SOX9: variants seen among roughly 807,000 people sequenced by gnomAD.
SOX9 encodes SRY-box transcription factor 9.
A neutral mutation model predicts 44.8 loss-of-function variants in SOX9; 2 were observed. The ratio of observed to expected loss-of-function variants is 0.04; its 90% CI spans 0.02 to 0.14. The LOEUF (loss-of-function observed/expected upper bound fraction) is 0.14. SOX9 is among the 10% of genes least tolerant of loss of function. SOX9 has a pLI of 1.00. For synonymous variants in SOX9, 381 were observed against 331.8 expected, an observed-to-expected ratio of 1.15 and a Z score of -1.61; for missense variants, 583 against 728.6, an observed-to-expected ratio of 0.80 and a Z score of 2.30.
rs2143246456 is a variant in SOX9, at chr17:72,122,862, C to T, written c.575C>T (p.Ala192Val). 1 of 1,614,150 alleles carries T rather than the reference C, an allele frequency of 6.2e-7. No homozygotes were observed. Among genetic ancestry groups the T allele is most frequent in the Non-Finnish European group, 8.5e-7 (1 of 1,180,020 alleles). The part of the protein sequence containing the change: ...VKNGQAEAEE[A>V]TEQTHISPNA... ...AACGGGCAGGCGGAGGCAGAGGAGG[C>T]CACGGAGCAGACGCACATCTCCCCC... The change falls in exon 2 of 3, where the codon GCC (alanine) becomes GTC (valine). Residue 192 changes from alanine to valine, a missense_variant. Ala to Val is a moderately conservative substitution (Grantham distance 64). Coordinates refer to ENST00000245479, the MANE Select transcript of SOX9 (RefSeq NM_000346.4).
In SOX9 at chr17:72,121,430, G is replaced by T. The variant is rs1172992469; in HGVS notation, c.39G>T (p.Glu13Asp). ...LLDPFMKMTD[E>D]QEKGLSGAPS... is the part of the protein sequence containing the mutation. ...ACCCCTTCATGAAGATGACCGACGA[G>T]CAGGAGAAGGGCCTGTCCGGCGCCC... The change falls in exon 1 of 3, where the codon GAG becomes GAT. Residue 13 changes from glutamate (E) to aspartate (D), a missense_variant. Coordinates refer to ENST00000245479, the MANE Select transcript of SOX9 (RefSeq NM_000346.4). This position sits in a 1 kb window ranked among gnomAD's most constrained non-coding sequence, Gnocchi z 8.3. 1 of 1,612,792 alleles carries T rather than the reference G, an allele frequency of 6.2e-7. No individual in the cohort carries two copies. The highest frequency in any genetic ancestry group is 1.7e-5 in the Admixed American group (1 of 59,994).
At position 72,124,988 on chromosome 17, in the gene SOX9, T is replaced by C. The variant is rs537973672; in HGVS notation, c.*601T>C. The C allele has an allele frequency of 8.8e-6, 2 of 226,104 alleles. No individual in the cohort carries two copies. Among genetic ancestry groups the C allele is most frequent in the South Asian group, 3.5e-4 (2 of 5,774 alleles). The allele number at this position is 226,104 out of a possible 1,614,324, so 14.0% of individuals were successfully genotyped here. A position where few individuals can be genotyped will look rare whatever the true frequency, so the allele number is the denominator to read the frequency against. Reference sequence around the variant, plus strand: ...GCAACCAGAGTATTTTTGTACAGATTTGCTTTCTCTTACAAAAAGAAAAAA... The same window carrying C: ...GCAACCAGAGTATTTTTGTACAGATCTGCTTTCTCTTACAAAAAGAAAAAA... On this transcript the variant is annotated 3_prime_UTR_variant, in exon 3 of 3. Transcript: ENST00000245479. This position sits in a 1 kb window ranked among gnomAD's most constrained non-coding sequence, Gnocchi z 4.6.
rs1414494350 is a variant in SOX9 at position 72,121,859 on chromosome 17, T to G, written c.431+37T>G. On this transcript the variant is annotated intron_variant, in intron 1 of 2. Coordinates refer to ENST00000245479, the MANE Select transcript of SOX9 (RefSeq NM_000346.4). This position sits in a 1 kb window ranked among gnomAD's most constrained non-coding sequence, Gnocchi z 8.3. ...CGGGGGCGGCGCGGCAGGGTGGGCA[T>G]CGCGGCGGCTGGGGGCGCTGGTCAG... is the stretch of plus-strand genomic sequence containing the variant. 6.6e-7 allele frequency: 1 copy of G among 1,510,826 alleles called. No individual in the cohort carries two copies. Among genetic ancestry groups the G allele is most frequent in the Non-Finnish European group, 8.9e-7 (1 of 1,129,696 alleles). 93.6% of individuals were successfully genotyped at this position (1,510,826 alleles called of 1,614,324 possible).
In SOX9 at chr17:72,121,894, G is replaced by A. The variant is rs2143241959; in HGVS notation, c.431+72G>A. 2.8e-6 allele frequency: 4 copies of A among 1,445,544 alleles called. No individual in the cohort carries two copies. Among genetic ancestry groups the A allele is most frequent in the Non-Finnish European group, 3.6e-6 (4 of 1,097,392 alleles). 89.5% of individuals were successfully genotyped at this position (1,445,544 alleles called of 1,614,324 possible). A position where few individuals can be genotyped will look rare whatever the true frequency, so the allele number is the denominator to read the frequency against. On this transcript the variant is annotated intron_variant, in intron 1 of 2. Transcript: ENST00000245479. The surrounding 1 kb of genome is among the most constrained non-coding windows in gnomAD (Gnocchi z 8.3). The stretch of plus-strand genomic sequence containing the variant: ...TGGGGGCGCTGGTCAGGGCTGATTT[G>A]CCCCGCCCCGCCTCCCATCGCCCGG...
chr17:72,125,697 T>C lies in SOX9; in HGVS notation c.*1310T>C, dbSNP rs1908265168. On this transcript the variant is annotated 3_prime_UTR_variant, in exon 3 of 3. Transcript: ENST00000245479. ...TTATCTCTTTAATCTTTTTTTATTA[T>C]TAAAAGCAAGTTTCTTTGTATTCCT... 4.4e-6 allele frequency: 1 copy of C among 227,466 alleles called. No individual in the cohort carries two copies. The highest frequency in any genetic ancestry group is 5.7e-5 in the Admixed American group (1 of 17,560). 14.1% of individuals were successfully genotyped at this position (227,466 alleles called of 1,614,324 possible). A position where few individuals can be genotyped will look rare whatever the true frequency, so the allele number is the denominator to read the frequency against.
chr17:72,121,212 C>A lies in SOX9; in HGVS notation c.-180C>A. On this transcript the variant is annotated 5_prime_UTR_variant, in exon 1 of 3. It adds an upstream start codon to the 5' untranslated region. Transcript: ENST00000245479. The surrounding 1 kb of genome is among the most constrained non-coding windows in gnomAD (Gnocchi z 8.3). Reference sequence around the variant, plus strand: ...CCCACTTGGAGCGGGCAGCTGTGAACTGGCCACCCCGCGCCTTCCTAAGTG... The same window carrying A: ...CCCACTTGGAGCGGGCAGCTGTGAAATGGCCACCCCGCGCCTTCCTAAGTG... 1.6e-6 allele frequency: 1 copy of A among 622,244 alleles called. No individual in the cohort carries two copies. Among genetic ancestry groups the A allele is most frequent in the Non-Finnish European group, 2.8e-6 (1 of 353,902 alleles). 38.5% of individuals were successfully genotyped at this position (622,244 alleles called of 1,614,324 possible). A position where few individuals can be genotyped will look rare whatever the true frequency, so the allele number is the denominator to read the frequency against.
Position 72,121,610 on chromosome 17 carries a change from C to A in SOX9, c.219C>A (p.Ile73=), listed in dbSNP as rs762031615. 4.4e-6 allele frequency: 7 copies of A among 1,603,818 alleles called. No homozygotes were observed. Among genetic ancestry groups the A allele is most frequent in the East Asian group, 2.3e-5 (1 of 44,226 alleles). ...AGGAGGACAAGTTCCCCGTGTGCAT[C>A]CGCGAGGCGGTCAGCCAGGTGCTCA... ...ESEEDKFPVC[I]REAVSQVLKG... is the part of the protein sequence containing the mutation. Residue 73 remains isoleucine, a synonymous_variant, in exon 1 of 3, where the codon ATC becomes ATA. Transcript: ENST00000245479. This position sits in a 1 kb window ranked among gnomAD's most constrained non-coding sequence, Gnocchi z 8.3.
rs1363315231 is a variant in SOX9, at chr17:72,125,648, T to G, written c.*1261T>G. The G allele has an allele frequency of 8.8e-6, 2 of 228,362 alleles. No homozygotes were observed. Among genetic ancestry groups the G allele is most frequent in the Non-Finnish European group, 1.7e-5 (2 of 114,926 alleles). The allele number at this position is 228,362 out of a possible 1,614,324, so 14.1% of individuals were successfully genotyped here. ...GTCATCTGTTGTTAAATTATGTTCT[T>G]AACTGTAACCAGTTTTTTTTTATTT... On this transcript the variant is annotated 3_prime_UTR_variant, in exon 3 of 3. Transcript: ENST00000245479.
At position 72,123,999 on chromosome 17, in the gene SOX9, C is replaced by T; in HGVS notation, c.1142C>T (p.Thr381Met). 1.2e-6 allele frequency: 2 copies of T among 1,600,874 alleles called. No individual in the cohort carries two copies. Among genetic ancestry groups the T allele is most frequent in the South Asian group, 1.1e-5 (1 of 90,204 alleles). The change falls in exon 3 of 3, where the codon ACG becomes ATG. Residue 381 changes from threonine (T) to methionine (M), a missense_variant. Transcript: ENST00000245479. This position sits in a 1 kb window ranked among gnomAD's most constrained non-coding sequence, Gnocchi z 6.5. ...CCCCCGCAGCAGCCACAGGCGCACA[C>T]GCTGACCACGCTGAGCAGCGAGCCG... is the stretch of plus-strand genomic sequence containing the variant. ...AAPPQQPQAH[T>M]LTTLSSEPGQ...
Position 72,121,116 on chromosome 17 carries a change from A to G in SOX9, c.-276A>G, listed in dbSNP as rs1167857482. On this transcript the variant is annotated 5_prime_UTR_variant, in exon 1 of 3. Coordinates refer to ENST00000245479, the MANE Select transcript of SOX9 (RefSeq NM_000346.4). The surrounding 1 kb of genome is among the most constrained non-coding windows in gnomAD (Gnocchi z 8.3). ...GGAAACTTTTCTTTGCAGGAGGAGA[A>G]GAGAAGGGGTGCAAGCGCCCCCACT... 9.0e-6 allele frequency: 5 copies of G among 558,484 alleles called. No homozygotes were observed. The highest frequency in any genetic ancestry group is 1.6e-5 in the Non-Finnish European group (5 of 318,766). 34.6% of individuals were successfully genotyped at this position (558,484 alleles called of 1,614,324 possible). A position where few individuals can be genotyped will look rare whatever the true frequency, so the allele number is the denominator to read the frequency against.
Position 72,121,691 on chromosome 17 carries a change from G to A in SOX9, c.300G>A (p.Lys100=), listed in dbSNP as rs142549685. Residue 100 remains lysine (K), a synonymous_variant, in exon 1 of 3, where the codon AAG becomes AAA. Coordinates refer to ENST00000245479, the MANE Select transcript of SOX9 (RefSeq NM_000346.4). The surrounding 1 kb of genome is among the most constrained non-coding windows in gnomAD (Gnocchi z 8.3). ...PMPVRVNGSS[K]NKPHVKRPMN... ...CGGTGCGCGTCAACGGCTCCAGCAA[G>A]AACAAGCCGCACGTCAAGCGGCCCA... The A allele has an allele frequency of 6.2e-7, 1 of 1,603,716 alleles. No homozygotes were observed. Among genetic ancestry groups the A allele is most frequent in the South Asian group, 1.1e-5 (1 of 89,430 alleles).
At position 72,125,827 on chromosome 17, in the gene SOX9, T is replaced by G. The variant is rs1039056167; in HGVS notation, c.*1440T>G. ...TTTCTTTTTTTGTATAAATGAGAGA[T>G]TGCAAATGTAGTGTATCACTGAGTC... On this transcript the variant is annotated 3_prime_UTR_variant, in exon 3 of 3. Coordinates refer to ENST00000245479, the MANE Select transcript of SOX9 (RefSeq NM_000346.4). 4 of 231,780 alleles carry G rather than the reference T, an allele frequency of 1.7e-5. No homozygotes were observed. Among genetic ancestry groups the G allele is most frequent in the African/African-American group, 8.8e-5 (4 of 45,248 alleles). The allele number at this position is 231,780 out of a possible 1,614,324, so 14.4% of individuals were successfully genotyped here.
chr17:72,125,664 T>G lies in SOX9; in HGVS notation c.*1277T>G, dbSNP rs1195117302. On this transcript the variant is annotated 3_prime_UTR_variant, in exon 3 of 3. Coordinates refer to ENST00000245479, the MANE Select transcript of SOX9 (RefSeq NM_000346.4). ...TTATGTTCTTAACTGTAACCAGTTTTTTTTTATTTATCTCTTTAATCTTTT... is the reference window on the plus strand; with the variant it reads ...TTATGTTCTTAACTGTAACCAGTTTGTTTTTATTTATCTCTTTAATCTTTT... 4.4e-6 allele frequency: 1 copy of G among 228,454 alleles called. No individual in the cohort carries two copies. The highest frequency in any genetic ancestry group is 8.7e-6 in the Non-Finnish European group (1 of 114,940). The allele number at this position is 228,454 out of a possible 1,614,324, so 14.2% of individuals were successfully genotyped here. A position where few individuals can be genotyped will look rare whatever the true frequency, so the allele number is the denominator to read the frequency against.
In SOX9 at chr17:72,123,724, C is replaced by A. The variant is rs752943571; in HGVS notation, c.867C>A (p.Phe289Leu). The A allele has an allele frequency of 6.2e-7, 1 of 1,613,988 alleles. No individual in the cohort carries two copies. The highest frequency in any genetic ancestry group is 8.5e-7 in the Non-Finnish European group (1 of 1,179,978). Residue 289 changes from phenylalanine (F) to leucine (L), a missense_variant, in exon 3 of 3, where the codon TTC (phenylalanine) becomes TTA (leucine). Physicochemically the swap from Phe to Leu is conservative, Grantham distance 22 (BLOSUM62 0). Coordinates refer to ENST00000245479, the MANE Select transcript of SOX9 (RefSeq NM_000346.4). The surrounding 1 kb of genome is among the most constrained non-coding windows in gnomAD (Gnocchi z 6.5). ...ACGTCATCTCCAACATCGAGACCTT[C>A]GATGTCAACGAGTTTGACCAGTACC... ...SSDVISNIET[F>L]DVNEFDQYLP...
chr17:72,126,124 T>G lies in SOX9; in HGVS notation c.*1737T>G, dbSNP rs762978226. On this transcript the variant is annotated 3_prime_UTR_variant, in exon 3 of 3. Transcript: ENST00000245479. The stretch of plus-strand genomic sequence containing the variant: ...TTAAAAAAAGATATATTAACAGTTT[T>G]AGAAGTCAGTAGAATAAAATCTTAA... 1.3e-5 allele frequency: 3 copies of G among 232,450 alleles called. No homozygotes were observed. The highest frequency in any genetic ancestry group is 2.6e-5 in the Non-Finnish European group (3 of 117,426). 14.4% of individuals were successfully genotyped at this position (232,450 alleles called of 1,614,324 possible). A position where few individuals can be genotyped will look rare whatever the true frequency, so the allele number is the denominator to read the frequency against.
rs2143254709 is a variant in SOX9 at position 72,124,006 on chromosome 17, C to T, written c.1149C>T (p.Thr383=). 6.2e-7 allele frequency: 1 copy of T among 1,603,424 alleles called. No homozygotes were observed. ...PPQQPQAHTL[T]TLSSEPGQSQ... is the part of the protein sequence containing the mutation. ...AGCAGCCACAGGCGCACACGCTGACCACGCTGAGCAGCGAGCCGGGCCAGT... is the reference window on the plus strand; with the variant it reads ...AGCAGCCACAGGCGCACACGCTGACTACGCTGAGCAGCGAGCCGGGCCAGT... The change falls in exon 3 of 3, where the codon ACC becomes ACT. Residue 383 remains threonine, a synonymous_variant. Coordinates refer to ENST00000245479, the MANE Select transcript of SOX9 (RefSeq NM_000346.4). This position sits in a 1 kb window ranked among gnomAD's most constrained non-coding sequence, Gnocchi z 4.6.
chr17:72,125,090 C>T lies in SOX9; in HGVS notation c.*703C>T, dbSNP rs1020260104. 1 of 225,540 alleles carries T rather than the reference C, an allele frequency of 4.4e-6. No homozygotes were observed. The highest frequency in any genetic ancestry group is 2.2e-5 in the African/African-American group (1 of 44,804). The allele number at this position is 225,540 out of a possible 1,614,324, so 14.0% of individuals were successfully genotyped here. A position where few individuals can be genotyped will look rare whatever the true frequency, so the allele number is the denominator to read the frequency against. On this transcript the variant is annotated 3_prime_UTR_variant, in exon 3 of 3. Transcript: ENST00000245479. ...TTTGGGGGTTAACTTTGCTTAATTCCTCAGGCTTTGCGATTTAAGGAGGAG... is the reference window on the plus strand; with the variant it reads ...TTTGGGGGTTAACTTTGCTTAATTCTTCAGGCTTTGCGATTTAAGGAGGAG...
Position 72,124,095 on chromosome 17 carries a change from A to G in SOX9, c.1238A>G (p.His413Arg). The G allele has an allele frequency of 6.2e-7, 1 of 1,613,594 alleles. No homozygotes were observed. Among genetic ancestry groups the G allele is most frequent in the Non-Finnish European group, 8.5e-7 (1 of 1,179,918 alleles). The change falls in exon 3 of 3, where the codon CAC becomes CGC. Residue 413 changes from histidine to arginine, a missense_variant. His to Arg is a conservative substitution (Grantham distance 29). This residue lies in a region of SOX9 where 349 missense variants were observed against 387.0 expected (regional missense o/e 0.90). Coordinates refer to ENST00000245479, the MANE Select transcript of SOX9 (RefSeq NM_000346.4). The surrounding 1 kb of genome is among the most constrained non-coding windows in gnomAD (Gnocchi z 4.6). The stretch of plus-strand genomic sequence containing the variant: ...AGCCACTACAGCGAGCAGCAGCAGC[A>G]CTCGCCCCAACAGATCGCCTACAGC... ...SPSHYSEQQQ[H>R]SPQQIAYSPF... is the part of the protein sequence containing the mutation.
chr17:72,121,242 CCGCGGTAGCCGGCCGACGCGCCAG>C lies in SOX9; in HGVS notation c.-148_-125del. ...CACCCCGCGCCTTCCTAAGTGCTCGCCGCGGTAGCCGGCCGACGCGCCAGCTTCCCCGGGAGCCGCTTGCTCCGC... is the reference window on the plus strand; with the variant it reads ...CACCCCGCGCCTTCCTAAGTGCTCGCCTTCCCCGGGAGCCGCTTGCTCCGC... On this transcript the variant is annotated 5_prime_UTR_variant, in exon 1 of 3. Coordinates refer to ENST00000245479, the MANE Select transcript of SOX9 (RefSeq NM_000346.4). This position sits in a 1 kb window ranked among gnomAD's most constrained non-coding sequence, Gnocchi z 8.3. 2 of 707,928 alleles carry C rather than the reference CCGCGGTAGCCGGCCGACGCGCCAG, an allele frequency of 2.8e-6. No individual in the cohort carries two copies. Among genetic ancestry groups the C allele is most frequent in the South Asian group, 1.8e-5 (1 of 54,962 alleles). The allele number at this position is 707,928 out of a possible 1,614,324, so 43.9% of individuals were successfully genotyped here. A position where few individuals can be genotyped will look rare whatever the true frequency, so the allele number is the denominator to read the frequency against.
Sources: gnomAD v4.1 joint callset for allele counts on GRCh38, gnomAD v4.1.1 for gene constraint, gnomAD v4.1.1 regional missense constraint, Gnocchi (gnomAD v3.1) non-coding constraint, MANE v1.5 for transcripts, NCBI Gene and HGNC (gene_info 2026-07-23, HGNC 2026-07-21) for gene names.